Variants in PCDHGB3 observed in about 807,000 individuals in gnomAD.
The protein encoded by PCDHGB3 is protocadherin gamma-B3.
In PCDHGB3, 40 loss-of-function variants were observed where a neutral mutation model predicts 59.2. The ratio of observed to expected loss-of-function variants is 0.68; its 90% confidence interval spans 0.52 to 0.88. PCDHGB3 has a LOEUF of 0.88. Among genes scored for constraint, PCDHGB3 ranks in the 40% least tolerant of loss-of-function variants. The pLI, the probability that PCDHGB3 is intolerant of heterozygous loss-of-function variation, is 0.00. For missense variants in PCDHGB3, 1,309 were observed against 1,187.9 expected (o/e 1.10, Z -1.50); for synonymous variants, 581 against 503.6 (o/e 1.15, Z -2.06).
intron 1 of PCDHGB3, chr5:141,421,492 G>C: frequency 1.7e-5 from 28 of 1,614,106 alleles, no homozygotes; most frequent in Non-Finnish European, 2.3e-5. Flanking sequence ...GATCACGGCA[G>C]GCAGGATAGA....
rs139156138 is a variant in PCDHGB3 at position 141,472,179 on chromosome 5, T to C, written c.2416-22628T>C. 5.1e-4 allele frequency among the ~76,000 whole-genome samples: 77 copies of C among 152,246 alleles called. 4 individuals are homozygous for C. The East Asian group carries it at 0.014, about 27-fold the overall frequency. On this transcript the variant is annotated intron_variant, in intron 1 of 3. Coordinates refer to ENST00000576222, the MANE Select transcript of PCDHGB3 (RefSeq NM_018924.5). ...TAGCTACTAGGTGTAATATCCAGTATTGGAATTTGAATCTTTTTGACACTA... is the reference window on the plus strand; with the variant it reads ...TAGCTACTAGGTGTAATATCCAGTACTGGAATTTGAATCTTTTTGACACTA...
Position 141,512,288 on chromosome 5 carries a change from TCAGCGGAGCCCCAGCAGGAAGGGTGGGC to T in PCDHGB3, c.*1120_*1147del, listed in dbSNP as rs1375137843. The T allele has an allele frequency of 6.5e-6, 1 of 152,680 alleles. No individual in the cohort carries two copies. Among genetic ancestry groups the T allele is most frequent in the Non-Finnish European group, 1.5e-5 (1 of 68,182 alleles). The allele number at this position is 152,680 out of a possible 1,614,324, so 9.5% of individuals were successfully genotyped here. ...TCCAGAGGTGCCACTGGTGGAAGGG[TCAGCGGAGCCCCAGCAGGAAGGGTGGGC>T]CAGCCAGGCCATTCTTAGTCCCTGG... On this transcript the variant is annotated 3_prime_UTR_variant, in exon 4 of 4. Coordinates refer to ENST00000576222, the MANE Select transcript of PCDHGB3 (RefSeq NM_018924.5).
In PCDHGB3 at chr5:141,382,919, G is replaced by A. The variant is rs1467219150; in HGVS notation, c.2415+10110G>A. 14 of 1,559,330 alleles carry A rather than the reference G, an allele frequency of 9.0e-6. No homozygotes were observed. Among genetic ancestry groups the A allele is most frequent in the Non-Finnish European group, 1.1e-5 (13 of 1,152,236 alleles). ...ACGACTATGGCGGCTCAGCCGAGGG[G>A]CGGGGACTACAGAGGATTCTTCCTG... On this transcript the variant is annotated intron_variant, in intron 1 of 3. Coordinates refer to ENST00000576222, the MANE Select transcript of PCDHGB3 (RefSeq NM_018924.5).
intron 1 of PCDHGB3, chr5:141,410,448 C>T: frequency 6.2e-7 from 1 of 1,614,006 alleles, no homozygotes; most frequent in Non-Finnish European, 8.5e-7. Context: ...GGGACTTTGC[C>T]TTATTCTTAT....
At chr5:141,419,556 C>A (rs202164819) in intron 1 of PCDHGB3, 227 of 1,611,892 alleles carry the variant, frequency 1.4e-4, no homozygotes, top group Non-Finnish European at 8.6e-5. Context: ...CTGTACCCTG[C>A]GCTGGGTCCC....
intron 1 of PCDHGB3, among the ~76,000 whole-genome samples, chr5:141,448,274 T>G (rs2098579713): frequency 6.6e-6 from 1 of 152,196 alleles, no homozygotes; most frequent in South Asian, 2.1e-4. Context: ...TATATACTGT[T>G]GTGCAACTTG....
Position 141,486,107 on chromosome 5 carries a change from A to T in PCDHGB3, c.2416-8700A>T, listed in dbSNP as rs758269750. ...TCTTTTGGGGCCCCTAGACTTTGAG[A>T]GTGAGAATTACTATGAATTTGATGT... is the stretch of plus-strand genomic sequence containing the variant. On this transcript the variant is annotated intron_variant, in intron 1 of 3. Transcript: ENST00000576222. The surrounding 1 kb of genome is among the most constrained non-coding windows in gnomAD (Gnocchi z 5.0). The T allele has an allele frequency of 6.2e-7, 1 of 1,614,102 alleles. No individual in the cohort carries two copies. Among genetic ancestry groups the T allele is most frequent in the South Asian group, 1.1e-5 (1 of 91,080 alleles).
intron 1 of PCDHGB3, chr5:141,423,310 G>A (rs1175296469): frequency 1.2e-6 from 2 of 1,614,180 alleles, no homozygotes; most frequent in Admixed American, 1.7e-5. Flanking sequence ...GCTGTACTTG[G>A]TGGTGGCGGT....
intron 1 of PCDHGB3, chr5:141,405,435 T>TAG: frequency 6.8e-7 from 1 of 1,463,324 alleles, no homozygotes; most frequent in Non-Finnish European, 9.3e-7. Flanking sequence ...TTGTTTTGTT[T>TAG]TTGAGACAGA....
chr5:141,399,030 G>C, intron 1 of PCDHGB3: 1 of 1,613,824 alleles, frequency 6.2e-7, no homozygotes, highest in Non-Finnish European at 8.5e-7. Flanking sequence ...CCACTCAAAA[G>C]AAACTGGATT....
At position 141,415,593 on chromosome 5, in the gene PCDHGB3, G is replaced by A. The variant is rs201857595; in HGVS notation, c.2415+42784G>A. ...TAGATGATTCGAAGTTTCCTATAGA[G>A]GATACCCCATTGGTTCCAGTGAGTT... On this transcript the variant is annotated intron_variant, in intron 1 of 3. Transcript: ENST00000576222. The A allele has an allele frequency of 7.6e-5, 122 of 1,613,876 alleles. No homozygotes were observed. In the East Asian group the frequency reaches 2.7e-3, roughly 35 times the overall value.
intron 1 of PCDHGB3, among the ~76,000 whole-genome samples, chr5:141,482,526 C>T (rs1198022164): frequency 1.5e-5 from 1 of 68,582 alleles, no homozygotes; most frequent in African/African-American, 9.7e-5. Flanking sequence ...ATGAGACAGA[C>T]ATGCAAAAAA....
intron 1 of PCDHGB3, among the ~76,000 whole-genome samples, chr5:141,386,301 G>T (rs1049977575): frequency 1.3e-5 from 2 of 152,180 alleles, no homozygotes; most frequent in Non-Finnish European, 1.5e-5. Context: ...TTTTAGTAAA[G>T]CTCAGTATAT....
chr5:141,372,588 T>G lies in PCDHGB3; in HGVS notation c.2194T>G (p.Cys732Gly), dbSNP rs781493035. 9.3e-6 allele frequency: 15 copies of G among 1,613,932 alleles called. No individual in the cohort carries two copies. The South Asian group carries it at 1.2e-4, about 13-fold the overall frequency. The part of the protein sequence containing the change: ...ATEGYFQPGV[C>G]FKTVPGVLPT... ...TGAGGGCTACTTTCAGCCTGGTGTC[T>G]GCTTCAAGACTGTACCTGGAGTTCT... The change falls in exon 1 of 4, where the codon TGC becomes GGC. Residue 732 changes from cysteine (C) to glycine (G), a missense_variant. Transcript: ENST00000576222.
chr5:141,488,113 T>C (rs1053996929), intron 1 of PCDHGB3, among the ~76,000 whole-genome samples: 1 of 152,084 alleles, frequency 6.6e-6, no homozygotes, highest in African/African-American at 2.4e-5. Flanking sequence ...ATTTGAAACA[T>C]AGAGACAGCA....
chr5:141,400,493 A>G, intron 1 of PCDHGB3: 2 of 1,614,014 alleles, frequency 1.2e-6, no homozygotes, highest in South Asian at 2.2e-5. Flanking sequence ...CCACTTTGTA[A>G]TTCCAGCGAG....
intron 1 of PCDHGB3, among the ~76,000 whole-genome samples, chr5:141,479,077 A>G (rs1393042749): frequency 6.6e-6 from 1 of 152,224 alleles, no homozygotes; most frequent in Non-Finnish European, 1.5e-5. Context: ...ATGAAATGAA[A>G]TTCCAGGCAT....
At chr5:141,499,356 C>A (rs1472104991) in intron 2 of PCDHGB3, among the ~76,000 whole-genome samples, 1 of 152,062 alleles carries the variant, frequency 6.6e-6, no homozygotes, top group Non-Finnish European at 1.5e-5. Context: ...ATTCAACAAA[C>A]AAATAGCAAC....
In PCDHGB3 at chr5:141,393,293, G is replaced by A. The variant is rs774531655; in HGVS notation, c.2415+20484G>A. On this transcript the variant is annotated intron_variant, in intron 1 of 3. Coordinates refer to ENST00000576222, the MANE Select transcript of PCDHGB3 (RefSeq NM_018924.5). ...ATCCACTCCCAGAAGCTGTTGACCC[G>A]GATGTGGGCGTGAACTCCCTCCAGA... 6.2e-6 allele frequency: 10 copies of A among 1,613,918 alleles called. No homozygotes were observed. The Admixed American group carries it at 8.3e-5, about 13-fold the overall frequency.
Sources: gnomAD v4.1 joint callset for allele counts (sites outside exome capture counted in the v4.1 genomes callset) on GRCh38, gnomAD v4.1.1 for gene constraint, Gnocchi (gnomAD v3.1) non-coding constraint, MANE v1.5 for transcripts, NCBI Gene and HGNC (gene_info 2026-07-23, HGNC 2026-07-21) for gene names.